Variants in MARK1 observed in about 807,000 individuals in gnomAD.
MARK1 encodes serine/threonine-protein kinase MARK1.
In MARK1, 40 loss-of-function variants were observed where a neutral mutation model predicts 96.3. That is an observed-to-expected ratio of 0.42 (90% CI 0.32 to 0.54). The LOEUF (loss-of-function observed/expected upper bound fraction) is 0.54. Ranked by LOEUF, MARK1 falls within the 20% of genes least tolerant of loss-of-function variation. MARK1 has a pLI of 0.16. For synonymous variants in MARK1, 317 were observed against 341.2 expected (o/e 0.93, Z 0.78); for missense variants, 719 against 984.6 (o/e 0.73, Z 3.61).
At chr1:220,656,020 T>C (rs1669151794) in intron 16 of MARK1, among the ~76,000 whole-genome samples, 1 of 152,200 alleles carries the variant, frequency 6.6e-6, no homozygotes, top group Non-Finnish European at 1.5e-5. Context: ...CATGGCTCAC[T>C]TCTACACCAA....
At chr1:220,612,206 A>G (rs1666484950) in intron 6 of MARK1, among the ~76,000 whole-genome samples, 4 of 152,226 alleles carry the variant, frequency 2.6e-5, no homozygotes, top group Middle Eastern at 3.4e-3. Flanking sequence ...TTATTTTTTG[A>G]TAGATGTAGA....
At chr1:220,611,984 C>T (rs1666471533) in intron 6 of MARK1, among the ~76,000 whole-genome samples, 2 of 152,138 alleles carry the variant, frequency 1.3e-5, no homozygotes, top group Non-Finnish European at 2.9e-5. Flanking sequence ...CTGCCCACAT[C>T]GGCCTCCCAA....
intron 1 of MARK1, among the ~76,000 whole-genome samples, chr1:220,537,594 A>G (rs1660801630): frequency 7.1e-6 from 1 of 140,914 alleles, no homozygotes; most frequent in Non-Finnish European, 1.6e-5. Flanking sequence ...TCCTTTGGGT[A>G]TATACCCAGT....
intron 3 of MARK1, among the ~76,000 whole-genome samples, chr1:220,584,908 G>A (rs923179455): frequency 2.0e-5 from 3 of 152,118 alleles, no homozygotes; most frequent in Non-Finnish European, 2.9e-5. Flanking sequence ...TCACTCTATA[G>A]CTGAACAAAA....
intron 6 of MARK1, 113 bp downstream of exon 6, chr1:220,604,250 C>A: frequency 1.9e-6 from 1 of 540,468 alleles, no homozygotes; most frequent in Admixed American, 3.4e-5. Context: ...AGAATTCCTG[C>A]TTTCTTATAT....
intron 13 of MARK1, among the ~76,000 whole-genome samples, chr1:220,642,907 C>A (rs571332134): frequency 2.6e-5 from 4 of 151,964 alleles, no homozygotes; most frequent in Non-Finnish European, 4.4e-5. Context: ...CAGAAAGCAA[C>A]GACAAGTACA....
intron 1 of MARK1, among the ~76,000 whole-genome samples, chr1:220,577,332 C>T (rs1663934539): frequency 6.6e-6 from 1 of 152,060 alleles, no homozygotes; most frequent in Non-Finnish European, 1.5e-5. Flanking sequence ...AGAACAAGTT[C>T]AGGTAGAGAA....
intron 9 of MARK1, chr1:220,627,183 C>T (rs1014937065): frequency 2.7e-5 from 13 of 475,668 alleles, no homozygotes; most frequent in Admixed American, 9.7e-5. Flanking sequence ...AGGAGAGTGG[C>T]GATGAGAGCG....
chr1:220,626,819 CAA>C (rs34627760), intron 9 of MARK1: 7,147 of 252,236 alleles, frequency 0.028, no homozygotes, highest in South Asian at 0.044. Flanking sequence ...GACTCCATCT[CAA>C]AAAAAAAAAA....
At chr1:220,578,535 G>A (rs543620726) in intron 1 of MARK1, among the ~76,000 whole-genome samples, 2 of 152,264 alleles carry the variant, frequency 1.3e-5, no homozygotes, top group South Asian at 2.1e-4. Context: ...GAGGGGGTTG[G>A]GCAGAAATGA....
At chr1:220,539,155 A>G (rs1346942868) in intron 1 of MARK1, among the ~76,000 whole-genome samples, 2 of 150,536 alleles carry the variant, frequency 1.3e-5, no homozygotes, top group Non-Finnish European at 3.0e-5. Flanking sequence ...CCAGTTTTCA[A>G]AGGGAATGCT....
chr1:220,594,632 C>T (rs1483342234), intron 3 of MARK1, among the ~76,000 whole-genome samples: 2 of 152,142 alleles, frequency 1.3e-5, no homozygotes, highest in Non-Finnish European at 2.9e-5. Flanking sequence ...AGACGTCCTT[C>T]AGTAGGTGAA....
intron 3 of MARK1, among the ~76,000 whole-genome samples, chr1:220,589,991 A>G (rs1350175135): frequency 1.3e-5 from 2 of 152,200 alleles, no homozygotes; most frequent in East Asian, 3.9e-4. Context: ...CCACTGACCC[A>G]AAGAAGTGTG....
intron 1 of MARK1, among the ~76,000 whole-genome samples, chr1:220,559,564 G>C (rs1344364682): frequency 6.6e-6 from 1 of 152,236 alleles, no homozygotes; most frequent in Non-Finnish European, 1.5e-5. Context: ...ATGTTTATAT[G>C]CTATTGAACA....
chr1:220,626,420 G>A lies in MARK1; in HGVS notation c.910-4615G>A, dbSNP rs115668131. On this transcript the variant is annotated intron_variant, in intron 9 of 17. Transcript: ENST00000366917. ...TATTATGCTGTTAACTACCTGCTCCGAGATGGGATTGACGACAAGTCCTAT... is the reference window on the plus strand; with the variant it reads ...TATTATGCTGTTAACTACCTGCTCCAAGATGGGATTGACGACAAGTCCTAT... 1.2e-3 allele frequency: 629 copies of A among 546,000 alleles called. 3 individuals are homozygous for A. The highest frequency in any genetic ancestry group is 0.011 in the African/African-American group (552 of 52,436). 33.8% of individuals were successfully genotyped at this position (546,000 alleles called of 1,614,324 possible).
At chr1:220,603,193 C>G (rs1027833114) in intron 5 of MARK1, among the ~76,000 whole-genome samples, 4 of 151,744 alleles carry the variant, frequency 2.6e-5, no homozygotes, top group African/African-American at 9.7e-5. Flanking sequence ...TATAAGGACA[C>G]AAAAATAAAT....
At position 220,633,885 on chromosome 1, in the gene MARK1, T is replaced by C. The variant is rs528093914; in HGVS notation, c.1123-1491T>C. ...CCTGTTGGATGGAGCTATTAGGCATTTGGATATAAAGATCTGAATTGGAGG... is the reference window on the plus strand; with the variant it reads ...CCTGTTGGATGGAGCTATTAGGCATCTGGATATAAAGATCTGAATTGGAGG... On this transcript the variant is annotated intron_variant, in intron 11 of 17. Transcript: ENST00000366917. Among the ~76,000 whole-genome samples the C allele has an allele frequency of 3.3e-5, 5 of 152,302 alleles. No homozygotes were observed. The East Asian group carries it at 9.6e-4, about 29-fold the overall frequency.
intron 9 of MARK1, chr1:220,627,304 T>A: frequency 2.0e-6 from 1 of 503,886 alleles, no homozygotes; most frequent in Non-Finnish European, 4.1e-6. Context: ...CAAGAACTCT[T>A]CCAACTTCAA....
chr1:220,622,303 T>G (rs1310172166), intron 9 of MARK1, among the ~76,000 whole-genome samples: 1 of 152,202 alleles, frequency 6.6e-6, no homozygotes, highest in Non-Finnish European at 1.5e-5. Flanking sequence ...TTCAAAACAA[T>G]GCAAAATTTG....
Sources: allele counts gnomAD v4.1 joint callset (sites outside exome capture counted in the v4.1 genomes callset), GRCh38; gene constraint gnomAD v4.1.1; transcripts MANE v1.5; gene names NCBI Gene and HGNC (gene_info 2026-07-23, HGNC 2026-07-21).